FOXK1: variants seen among roughly 807,000 people sequenced by gnomAD.
FOXK1 encodes forkhead box protein K1.
FOXK1 carries 19 observed loss-of-function variants against 51.9 expected under a neutral mutation model. The ratio of observed to expected loss-of-function variants is 0.37; its 90% CI spans 0.26 to 0.54. The LOEUF is 0.54. Ranked by LOEUF, FOXK1 falls within the 20% of genes least tolerant of loss-of-function variation. FOXK1 has a pLI of 0.87. For synonymous variants in FOXK1, 537 were observed against 482.6 expected, an observed-to-expected ratio of 1.11 and a Z score of -1.48; for missense variants, 870 against 1,032.7, an observed-to-expected ratio of 0.84 and a Z score of 2.16.
intron 1 of FOXK1, among the ~76,000 whole-genome samples, chr7:4,713,664 G>C (rs763241470): frequency 2.0e-5 from 3 of 149,790 alleles, no homozygotes; most frequent in Non-Finnish European, 4.4e-5. Context: ...GCTAATTTTT[G>C]TAATGTTAGT....
chr7:4,761,278 C>G lies in FOXK1; in HGVS notation c.1911C>G (p.Gly637=). ...KHAVPTNSLA[G]NAYALTSPLQ... ...CGGTTCCCACGAACAGTTTAGCCGG[C>G]AACGCTTACGGTGAGGCCCTGGCCC... Residue 637 remains glycine, a synonymous_variant, in exon 8 of 9, where the codon GGC becomes GGG. Transcript: ENST00000328914. The surrounding 1 kb of genome is among the most constrained non-coding windows in gnomAD (Gnocchi z 6.2). The G allele has an allele frequency of 6.2e-7, 1 of 1,612,242 alleles. No homozygotes were observed.
chr7:4,739,914 G>A (rs563536180), intron 1 of FOXK1, among the ~76,000 whole-genome samples: 4 of 152,348 alleles, frequency 2.6e-5, no homozygotes, highest in African/African-American at 4.8e-5. Context: ...GGAAGTAGCC[G>A]TGTCTGTCTG....
At position 4,711,053 on chromosome 7, in the gene FOXK1, G is replaced by A. The variant is rs1237872566; in HGVS notation, c.560+28185G>A. ...GCAGCCTGGCTTTAGAGAACGCTTA[G>A]AGAAGATGGAGATGGATGGAGACGG... On this transcript the variant is annotated intron_variant, in intron 1 of 8. Transcript: ENST00000328914. This position sits in a 1 kb window ranked among gnomAD's most constrained non-coding sequence, Gnocchi z 6.3. Among the ~76,000 whole-genome samples, 1 of 152,198 alleles carries A rather than the reference G, an allele frequency of 6.6e-6. No homozygotes were observed. Among genetic ancestry groups the A allele is most frequent in the Non-Finnish European group, 1.5e-5 (1 of 68,036 alleles).
At position 4,736,195 on chromosome 7, in the gene FOXK1, C is replaced by T. The variant is rs141785678; in HGVS notation, c.561-4643C>T. On this transcript the variant is annotated intron_variant, in intron 1 of 8. Transcript: ENST00000328914. ...AGCATGCTTCATAGCATTTTCTCCT[C>T]CTCCTAGTAATGAGGCCACCTGCCT... 1.9e-4 allele frequency among the ~76,000 whole-genome samples: 29 copies of T among 152,308 alleles called. No homozygotes were observed. The East Asian group carries it at 5.4e-3, about 28-fold the overall frequency.
Position 4,756,883 on chromosome 7 carries a change from C to T in FOXK1, c.1051-111C>T, listed in dbSNP as rs1780860134. On this transcript the variant is annotated intron_variant, in intron 4 of 8. Transcript: ENST00000328914. This position sits in a 1 kb window ranked among gnomAD's most constrained non-coding sequence, Gnocchi z 4.1. ...CCAGCACAGCACCAAGGGCTCTGCA[C>T]AGAGGGACGGCCTCCCCTCACCCTG... The T allele has an allele frequency of 3.3e-6, 4 of 1,200,672 alleles. No individual in the cohort carries two copies. The highest frequency in any genetic ancestry group is 2.0e-5 in the Admixed American group (1 of 50,092). 74.4% of individuals were successfully genotyped at this position (1,200,672 alleles called of 1,614,324 possible).
rs544972457 is a variant in FOXK1 at position 4,730,722 on chromosome 7, G to A, written c.561-10116G>A. ...GACGTGGTCTCTGCAATAGAGAGGCGCCTATGGCTGCAGCCACCTGTGTTC... is the reference window on the plus strand; with the variant it reads ...GACGTGGTCTCTGCAATAGAGAGGCACCTATGGCTGCAGCCACCTGTGTTC... On this transcript the variant is annotated intron_variant, in intron 1 of 8. Coordinates refer to ENST00000328914, the MANE Select transcript of FOXK1 (RefSeq NM_001037165.2). This position sits in a 1 kb window ranked among gnomAD's most constrained non-coding sequence, Gnocchi z 4.7. 6.6e-5 allele frequency among the ~76,000 whole-genome samples: 10 copies of A among 152,190 alleles called. No individual in the cohort carries two copies. Among genetic ancestry groups the A allele is most frequent in the Non-Finnish European group, 8.8e-5 (6 of 68,046 alleles).
At chr7:4,694,562 C>T (rs946443943) in intron 1 of FOXK1, among the ~76,000 whole-genome samples, 21 of 152,330 alleles carry the variant, frequency 1.4e-4, no homozygotes, top group African/African-American at 4.6e-4. Context: ...CCAGCCCCGC[C>T]CACAGACCCC....
rs1398333153 is a variant in FOXK1 at position 4,755,557 on chromosome 7, A to G, written c.1050+174A>G. ...GGATCAAGACCAGCCTGTGCAACAT[A>G]GAGAGAACCTCTTTTCTACTAAAAA... On this transcript the variant is annotated intron_variant, in intron 4 of 8. Coordinates refer to ENST00000328914, the MANE Select transcript of FOXK1 (RefSeq NM_001037165.2). This position sits in a 1 kb window ranked among gnomAD's most constrained non-coding sequence, Gnocchi z 6.6. 3.3e-5 allele frequency among the ~76,000 whole-genome samples: 5 copies of G among 152,138 alleles called. No homozygotes were observed. The highest frequency in any genetic ancestry group is 7.4e-5 in the Non-Finnish European group (5 of 68,022).
At position 4,755,884 on chromosome 7, in the gene FOXK1, G is replaced by C. The variant is rs1780844851; in HGVS notation, c.1050+501G>C. Among the ~76,000 whole-genome samples, 2 of 140,452 alleles carry C rather than the reference G, an allele frequency of 1.4e-5. No homozygotes were observed. The allele number at this position is 140,452 out of a possible 152,430, so 92.1% of individuals were successfully genotyped here. A position where few individuals can be genotyped will look rare whatever the true frequency, so the allele number is the denominator to read the frequency against. ...ATTAGTTTCCTTCTTCTGAGCCCCA[G>C]AACTGAGAAGATGGATCTACACCTT... On this transcript the variant is annotated intron_variant, in intron 4 of 8. Coordinates refer to ENST00000328914, the MANE Select transcript of FOXK1 (RefSeq NM_001037165.2). This position sits in a 1 kb window ranked among gnomAD's most constrained non-coding sequence, Gnocchi z 6.6.
chr7:4,714,528 G>A (rs987373875), intron 1 of FOXK1, among the ~76,000 whole-genome samples: 5 of 152,312 alleles, frequency 3.3e-5, no homozygotes, highest in South Asian at 4.1e-4. Context: ...GCCCACCTCC[G>A]CCTCCCAGAG....
At chr7:4,727,686 G>A (rs894135757) in intron 1 of FOXK1, among the ~76,000 whole-genome samples, 24 of 152,240 alleles carry the variant, frequency 1.6e-4, no homozygotes, top group African/African-American at 4.6e-4. Context: ...CCTGCTGTCC[G>A]TCCCTGCGGC....
Position 4,761,170 on chromosome 7 carries a change from C to A in FOXK1, c.1803C>A (p.Val601=), listed in dbSNP as rs924294173. The part of the protein sequence containing the change: ...QMAPGVPGHT[V]TILQPATPVT... ...CCCCCGGGGTCCCCGGACACACGGT[C>A]ACCATCCTGCAGCCCGCCACACCCG... Residue 601 remains valine (V), a synonymous_variant, in exon 8 of 9, where the codon GTC becomes GTA. Transcript: ENST00000328914. The surrounding 1 kb of genome is among the most constrained non-coding windows in gnomAD (Gnocchi z 6.2). The A allele has an allele frequency of 1.2e-6, 2 of 1,612,598 alleles. No homozygotes were observed. Among genetic ancestry groups the A allele is most frequent in the African/African-American group, 2.7e-5 (2 of 74,932 alleles).
Position 4,701,808 on chromosome 7 carries a change from G to A in FOXK1, c.560+18940G>A, listed in dbSNP as rs549858997. Among the ~76,000 whole-genome samples, 6 of 152,384 alleles carry A rather than the reference G, an allele frequency of 3.9e-5. No homozygotes were observed. The South Asian group carries it at 1.2e-3, about 32-fold the overall frequency. On this transcript the variant is annotated intron_variant, in intron 1 of 8. Coordinates refer to ENST00000328914, the MANE Select transcript of FOXK1 (RefSeq NM_001037165.2). Reference sequence around the variant, plus strand: ...CTCGGGAGGCTGAGGCAGGAGAATGGTGGGAACCTGGGAGGCGGAGTTTGC... The same window carrying A: ...CTCGGGAGGCTGAGGCAGGAGAATGATGGGAACCTGGGAGGCGGAGTTTGC...
intron 2 of FOXK1, among the ~76,000 whole-genome samples, chr7:4,751,437 G>A (rs562027218): frequency 6.4e-4 from 98 of 152,296 alleles, no homozygotes; most frequent in Non-Finnish European, 1.1e-3. Context: ...TGGCTCCAAG[G>A]CCTCTGGCTT....
In FOXK1 at chr7:4,753,220, T is replaced by C. The variant is rs78309133; in HGVS notation, c.747-1239T>C. ...TGTCAGGTTTTTCTCAGCCACAGGATTTTTTTCATTCATTCCTCTGCTCCA... is the reference window on the plus strand; with the variant it reads ...TGTCAGGTTTTTCTCAGCCACAGGACTTTTTTCATTCATTCCTCTGCTCCA... On this transcript the variant is annotated intron_variant, in intron 2 of 8. Coordinates refer to ENST00000328914, the MANE Select transcript of FOXK1 (RefSeq NM_001037165.2). This position sits in a 1 kb window ranked among gnomAD's most constrained non-coding sequence, Gnocchi z 4.9. Among the ~76,000 whole-genome samples, 3,401 of 152,258 alleles carry C rather than the reference T, an allele frequency of 0.022. 131 individuals are homozygous for C. Among genetic ancestry groups the C allele is most frequent in the African/African-American group, 0.077 (3,200 of 41,528 alleles).
At chr7:4,686,253 T>C (rs1779816205) in intron 1 of FOXK1, among the ~76,000 whole-genome samples, 1 of 152,184 alleles carries the variant, frequency 6.6e-6, no homozygotes, top group Non-Finnish European at 1.5e-5. Context: ...CTATGTTGTG[T>C]TGGTGCCCAC....
chr7:4,705,540 T>TCGCTCTCGCTCTCG lies in FOXK1; in HGVS notation c.560+22673_560+22674insGCTCTCGCTCTCGC, dbSNP rs1554249257. Reference sequence around the variant, plus strand: ...CTTTCTCTCTCTCTCTCTCTCTCTCTCTCTCTCTCTCTCTCTCTCGCTCTC... The same window carrying TCGCTCTCGCTCTCG: ...CTTTCTCTCTCTCTCTCTCTCTCTCTCGCTCTCGCTCTCGCTCTCTCTCTCTCTCTCTCGCTCTC... On this transcript the variant is annotated intron_variant, in intron 1 of 8. Coordinates refer to ENST00000328914, the MANE Select transcript of FOXK1 (RefSeq NM_001037165.2). Among the ~76,000 whole-genome samples the TCGCTCTCGCTCTCG allele has an allele frequency of 3.1e-5, 4 of 127,614 alleles. No homozygotes were observed. The South Asian group carries it at 7.0e-4, about 22-fold the overall frequency. 83.7% of individuals were successfully genotyped at this position (127,614 alleles called of 152,430 possible).
intron 1 of FOXK1, among the ~76,000 whole-genome samples, chr7:4,713,824 T>C (rs116228582): frequency 0.047 from 7,206 of 151,766 alleles, 231 homozygotes; most frequent in Middle Eastern, 0.092. Flanking sequence ...TTTTTTTCTT[T>C]TTTTCTTTTC....
chr7:4,733,808 C>G lies in FOXK1; in HGVS notation c.561-7030C>G, dbSNP rs1489068763. Among the ~76,000 whole-genome samples the G allele has an allele frequency of 6.6e-6, 1 of 152,236 alleles. No individual in the cohort carries two copies. The highest frequency in any genetic ancestry group is 2.4e-5 in the African/African-American group (1 of 41,470). The stretch of plus-strand genomic sequence containing the variant: ...AGAGGCTGCTCTGAGGTCCCCGAAG[C>G]TGCAGGCTGGGTGGGACGGTGGGAG... On this transcript the variant is annotated intron_variant, in intron 1 of 8. Transcript: ENST00000328914. This position sits in a 1 kb window ranked among gnomAD's most constrained non-coding sequence, Gnocchi z 5.0.
Sources: gnomAD v4.1 joint callset for allele counts (sites outside exome capture counted in the v4.1 genomes callset) on GRCh38, gnomAD v4.1.1 for gene constraint, Gnocchi (gnomAD v3.1) non-coding constraint, MANE v1.5 for transcripts, NCBI Gene and HGNC (gene_info 2026-07-23, HGNC 2026-07-21) for gene names.